Variants in NEMF observed in about 807,000 individuals in gnomAD.
NEMF encodes ribosome quality control complex subunit NEMF.
In NEMF, 89 loss-of-function variants were observed where a neutral mutation model predicts 162.2. The observed-to-expected ratio is 0.55, with a 90% CI of 0.46 to 0.65. The LOEUF is 0.65. Among genes scored for constraint, NEMF ranks in the 30% least tolerant of loss-of-function variants. The probability of loss-of-function intolerance (pLI) is 0.00; values close to 1 mark genes in which losing one functional copy is unlikely to be tolerated. For missense variants in NEMF, 1,133 were observed against 1,261.9 expected, an observed-to-expected ratio of 0.90 and a Z score of 1.55; for synonymous variants, 421 against 404.5, an observed-to-expected ratio of 1.04 and a Z score of -0.49.
chr14:49,784,830 A>G, intron 32 of NEMF, 95 bp downstream of exon 32: 2 of 1,400,664 alleles, frequency 1.4e-6, no homozygotes, highest in East Asian at 2.3e-5. Context: ...ACTGCTTCTA[A>G]TAAGACAGCA....
chr14:49,830,060 A>G (rs1310292427), intron 11 of NEMF, among the ~76,000 whole-genome samples: 1 of 152,230 alleles, frequency 6.6e-6, no homozygotes, highest in South Asian at 2.1e-4. Flanking sequence ...TTTATCATAT[A>G]TACTTTACAT....
At chr14:49,798,936 G>A (rs191978036) in intron 25 of NEMF, among the ~76,000 whole-genome samples, 45 of 151,524 alleles carry the variant, frequency 3.0e-4, no homozygotes, top group Admixed American at 2.1e-3. Flanking sequence ...AGTGAAGGCC[G>A]GGCACAATGG....
chr14:49,782,669 G>C lies in NEMF; in HGVS notation c.*1967C>G, dbSNP rs540104913. The C allele has an allele frequency of 1.4e-6, 2 of 1,382,880 alleles. No individual in the cohort carries two copies. Among genetic ancestry groups the C allele is most frequent in the South Asian group, 1.3e-5 (1 of 75,346 alleles). 85.7% of individuals were successfully genotyped at this position (1,382,880 alleles called of 1,614,324 possible). Reference sequence around the variant, plus strand: ...AAGACTTAGCACTCTCGAAAAACTAGGTTTATGGATTATTTAAGGGCAATA... The same window carrying C: ...AAGACTTAGCACTCTCGAAAAACTACGTTTATGGATTATTTAAGGGCAATA... On this transcript the variant is annotated 3_prime_UTR_variant, in exon 33 of 33. Transcript: ENST00000298310.
rs753742777 is a variant in NEMF at position 49,840,776 on chromosome 14, G to C, written c.448C>G (p.Arg150Gly). ...DEADDVKFAVRERYPLDHARA... is the reference protein window; with the variant it reads ...DEADDVKFAVGERYPLDHARA... ...GCATGATCAAGTGGATAGCGTTCAC[G>C]AACAGCAAATTTAACATCATCTGCC... The change falls in exon 5 of 33, where the codon CGT (arginine) becomes GGT (glycine). Residue 150 changes from arginine to glycine, a missense_variant. This residue lies in a region of NEMF where 582 missense variants were observed against 631.5 expected (regional missense o/e 0.92). Coordinates refer to ENST00000298310, the MANE Select transcript of NEMF (RefSeq NM_004713.6). The C allele has an allele frequency of 4.3e-6, 7 of 1,613,822 alleles. No individual in the cohort carries two copies. The highest frequency in any genetic ancestry group is 1.3e-5 in the African/African-American group (1 of 74,842).
At chr14:49,846,433 C>T (rs887179032) in intron 3 of NEMF, among the ~76,000 whole-genome samples, 168 bp from the exon 4 acceptor site, 5 of 152,092 alleles carry the variant, frequency 3.3e-5, no homozygotes, top group African/African-American at 1.2e-4. Context: ...AGAGGGAAAA[C>T]ATTTTATTAT....
intron 28 of NEMF, among the ~76,000 whole-genome samples, chr14:49,788,731 A>G (rs766693143): frequency 4.0e-5 from 6 of 151,500 alleles, no homozygotes; most frequent in Non-Finnish European, 5.9e-5. Context: ...ATTTTTTTGT[A>G]TTTTTTTAGT....
intron 10 of NEMF, 54 bp downstream of exon 10, chr14:49,831,997 C>A: frequency 8.3e-7 from 1 of 1,205,894 alleles, no homozygotes; most frequent in South Asian, 1.5e-5. Flanking sequence ...AAGTTGATAT[C>A]AACAGCTCAT....
chr14:49,789,213 G>A lies in NEMF; in HGVS notation c.2828C>T (p.Thr943Ile), dbSNP rs1890327121. The A allele has an allele frequency of 2.5e-6, 4 of 1,614,028 alleles. No individual in the cohort carries two copies. The highest frequency in any genetic ancestry group is 1.7e-5 in the Admixed American group (1 of 60,004). Residue 943 changes from threonine to isoleucine, a missense_variant, in exon 28 of 33, where the codon ACT (threonine) becomes ATT (isoleucine). Around this residue, in one of 3 missense-constraint regions of NEMF, gnomAD observed 532 missense variants for 578.6 expected, o/e 0.92. Coordinates refer to ENST00000298310, the MANE Select transcript of NEMF (RefSeq NM_004713.6). ...ATGAGTTATAACCTCAAGGAACGGA[G>A]TTTCTTTCTTAATGTTGTCAGAGAC... Reference protein sequence around the residue: ...QRVSDNIKKETPFLEVITHEL... With the variant: ...QRVSDNIKKEIPFLEVITHEL...
chr14:49,838,128 G>C lies in NEMF; in HGVS notation c.574+11C>G. 2 of 1,599,088 alleles carry C rather than the reference G, an allele frequency of 1.3e-6. No homozygotes were observed. The highest frequency in any genetic ancestry group is 8.6e-7 in the Non-Finnish European group (1 of 1,168,006). ...TGCAAACATTTCACTGCTATTTGCA[G>C]GAATACTCACGAAGTAATGGGTTAA... On this transcript the variant is annotated intron_variant, in intron 6 of 32. Coordinates refer to ENST00000298310, the MANE Select transcript of NEMF (RefSeq NM_004713.6).
In NEMF at chr14:49,783,336, G is replaced by A. The variant is rs117896368; in HGVS notation, c.*1300C>T. 1,497 of 152,126 alleles carry A rather than the reference G, an allele frequency of 9.8e-3. 11 individuals carry two copies. Among genetic ancestry groups the A allele is most frequent in the Non-Finnish European group, 0.014 (987 of 69,182 alleles). 9.4% of individuals were successfully genotyped at this position (152,126 alleles called of 1,614,324 possible). A position where few individuals can be genotyped will look rare whatever the true frequency, so the allele number is the denominator to read the frequency against. ...AATGGCAAGAGTAGTCTATAGTTAT[G>A]TAACCTAGTGTTGTAAATACAATAT... On this transcript the variant is annotated 3_prime_UTR_variant, in exon 33 of 33. Coordinates refer to ENST00000298310, the MANE Select transcript of NEMF (RefSeq NM_004713.6).
intron 26 of NEMF, among the ~76,000 whole-genome samples, chr14:49,791,503 C>A (rs1299552373): frequency 6.6e-6 from 1 of 151,866 alleles, no homozygotes; most frequent in Non-Finnish European, 1.5e-5. Context: ...CTTTGGGAGG[C>A]CGAGGCAGGC....
intron 19 of NEMF, among the ~76,000 whole-genome samples, chr14:49,804,063 G>A (rs1310124124): frequency 6.7e-6 from 1 of 149,376 alleles, no homozygotes; most frequent in East Asian, 2.0e-4. Context: ...GGAGTGCAGT[G>A]GCTTGATCTT....
At chr14:49,792,586 G>T (rs1331471579) in intron 26 of NEMF, among the ~76,000 whole-genome samples, 1 of 152,102 alleles carries the variant, frequency 6.6e-6, no homozygotes, top group Non-Finnish European at 1.5e-5. Context: ...TATGAAACTG[G>T]TATAATGTAA....
At chr14:49,847,139 C>A (rs1353330678) in intron 3 of NEMF, among the ~76,000 whole-genome samples, 1 of 152,074 alleles carries the variant, frequency 6.6e-6, no homozygotes, top group Non-Finnish European at 1.5e-5. Flanking sequence ...CCACCTCAGC[C>A]TCCCAAAGTG....
rs1298509983 is a variant in NEMF, at chr14:49,783,317, A to C, written c.*1319T>G. ...TATAGATTTTTTTTTTTTTAATGGCAAGAGTAGTCTATAGTTATGTAACCT... is the reference window on the plus strand; with the variant it reads ...TATAGATTTTTTTTTTTTTAATGGCCAGAGTAGTCTATAGTTATGTAACCT... On this transcript the variant is annotated 3_prime_UTR_variant, in exon 33 of 33. Coordinates refer to ENST00000298310, the MANE Select transcript of NEMF (RefSeq NM_004713.6). The C allele has an allele frequency of 1.3e-5, 2 of 157,202 alleles. No individual in the cohort carries two copies. The highest frequency in any genetic ancestry group is 3.7e-4 in the East Asian group (2 of 5,398). 9.7% of individuals were successfully genotyped at this position (157,202 alleles called of 1,614,324 possible). A position where few individuals can be genotyped will look rare whatever the true frequency, so the allele number is the denominator to read the frequency against.
intron 25 of NEMF, chr14:49,796,385 T>C (rs1890692432): frequency 2.1e-5 from 9 of 432,148 alleles, no homozygotes; most frequent in South Asian, 1.3e-4. Flanking sequence ...ATTACTGTGG[T>C]ATTCTTCTTT....
intron 4 of NEMF, among the ~76,000 whole-genome samples, chr14:49,843,306 C>A (rs1893308528): frequency 6.6e-6 from 1 of 152,026 alleles, no homozygotes; most frequent in South Asian, 2.1e-4. Context: ...TCAGCCTGGG[C>A]AACGAAGTGA....
chr14:49,804,961 C>T (rs1421541535), intron 19 of NEMF, among the ~76,000 whole-genome samples: 3 of 152,030 alleles, frequency 2.0e-5, no homozygotes, highest in East Asian at 1.9e-4. Context: ...ACCCAGGAGG[C>T]GGAGGCTGCA....
chr14:49,850,702 GT>G, intron 3 of NEMF, among the ~76,000 whole-genome samples: 1 of 151,368 alleles, frequency 6.6e-6, no homozygotes, highest in African/African-American at 2.4e-5. Context: ...ATTAATGTCA[GT>G]GAGTATTCCA....
Sources: allele counts gnomAD v4.1 joint callset (sites outside exome capture counted in the v4.1 genomes callset), GRCh38; gene constraint gnomAD v4.1.1; regional missense constraint gnomAD v4.1.1; transcripts MANE v1.5; gene names NCBI Gene and HGNC (gene_info 2026-07-23, HGNC 2026-07-21).